IPCEF1: variants seen among roughly 807,000 people sequenced by gnomAD.
The protein encoded by IPCEF1 is interaction protein for cytohesin exchange factors 1.
Under a neutral mutation model 50.9 loss-of-function variants are expected in IPCEF1, and 31 were observed. The ratio of observed to expected loss-of-function variants is 0.61; its 90% CI spans 0.46 to 0.82. The LOEUF (loss-of-function observed/expected upper bound fraction) is 0.82, where lower values mean the gene tolerates loss of function less well. Ranked by LOEUF, IPCEF1 falls within the 40% of genes least tolerant of loss-of-function variation. The probability of loss-of-function intolerance (pLI) is 0.00; values close to 1 mark genes in which losing one functional copy is unlikely to be tolerated. For missense variants in IPCEF1, 458 were observed against 514.0 expected (o/e 0.89, Z 1.05); for synonymous variants, 181 against 192.0 (o/e 0.94, Z 0.47).
chr6:154,198,789 G>C (rs34007356), intron 10 of IPCEF1, among the ~76,000 whole-genome samples: 13,967 of 152,044 alleles, frequency 0.092, 975 homozygotes, highest in African/African-American at 0.2. Flanking sequence ...GGAGAGGAGA[G>C]AGCAGTCATC....
At chr6:154,233,466 T>C (rs1779877887) in intron 5 of IPCEF1, among the ~76,000 whole-genome samples, 1 of 152,192 alleles carries the variant, frequency 6.6e-6, no homozygotes, top group African/African-American at 2.4e-5. Context: ...CCTATGAATA[T>C]AACTAGATTT....
chr6:154,180,414 A>ATTTTTTTT (rs761333730), intron 10 of IPCEF1, among the ~76,000 whole-genome samples: 677 of 65,198 alleles, frequency 0.01, 4 homozygotes, highest in African/African-American at 0.02. Context: ...ATATATATAT[A>ATTTTTTTT]TTTTTTTTTT....
At chr6:154,169,178 T>A (rs1439304476) in intron 10 of IPCEF1, among the ~76,000 whole-genome samples, 1 of 151,906 alleles carries the variant, frequency 6.6e-6, no homozygotes, top group Non-Finnish European at 1.5e-5. Flanking sequence ...CTTGACAACA[T>A]GGTAAAACCC....
chr6:154,211,585 G>A (rs1777969099), intron 9 of IPCEF1, among the ~76,000 whole-genome samples: 1 of 152,036 alleles, frequency 6.6e-6, no homozygotes, highest in African/African-American at 2.4e-5. Flanking sequence ...CCTAGAATAG[G>A]AAACAATTTT....
intron 10 of IPCEF1, among the ~76,000 whole-genome samples, chr6:154,196,415 T>C (rs1776629663): frequency 6.6e-6 from 1 of 152,104 alleles, no homozygotes; most frequent in Non-Finnish European, 1.5e-5. Flanking sequence ...TTAACAATGT[T>C]TTATTTTTTT....
chr6:154,325,677 A>G (rs1783500975), intron 1 of IPCEF1, among the ~76,000 whole-genome samples: 1 of 152,214 alleles, frequency 6.6e-6, no homozygotes, highest in Non-Finnish European at 1.5e-5. Flanking sequence ...GGAGGAGAAT[A>G]ATAAAAATCT....
At chr6:154,183,317 C>T (rs761368317) in intron 10 of IPCEF1, among the ~76,000 whole-genome samples, 21 of 152,150 alleles carry the variant, frequency 1.4e-4, no homozygotes, top group African/African-American at 4.6e-4. Context: ...ATTCACTTAT[C>T]GCTATGACTA....
At chr6:154,341,402 TGAAGCCTACA>T (rs1253219838) in intron 1 of IPCEF1, among the ~76,000 whole-genome samples, 1 of 152,210 alleles carries the variant, frequency 6.6e-6, no homozygotes, top group Non-Finnish European at 1.5e-5. Context: ...CCTTGGGGCT[TGAAGCCTACA>T]GAAGGGATCA....
At chr6:154,320,446 C>T (rs1167606316) in intron 1 of IPCEF1, among the ~76,000 whole-genome samples, 1 of 152,128 alleles carries the variant, frequency 6.6e-6, no homozygotes, top group Admixed American at 6.6e-5. Context: ...TGAGGAAAAG[C>T]TTTGTTTTCA....
intron 1 of IPCEF1, among the ~76,000 whole-genome samples, chr6:154,305,445 T>G (rs1377245975): frequency 2.0e-5 from 3 of 152,198 alleles, no homozygotes; most frequent in Non-Finnish European, 4.4e-5. Flanking sequence ...GCTGTACCTG[T>G]CTATCCTACA....
intron 1 of IPCEF1, among the ~76,000 whole-genome samples, chr6:154,354,891 A>G (rs1017426217): frequency 1.3e-5 from 2 of 152,136 alleles, no homozygotes; most frequent in African/African-American, 4.8e-5. Context: ...TTCAACAAAT[A>G]TTTACTGAGA....
intron 5 of IPCEF1, among the ~76,000 whole-genome samples, chr6:154,226,453 A>C (rs1020809952): frequency 2.0e-5 from 3 of 151,946 alleles, no homozygotes; most frequent in Non-Finnish European, 4.4e-5. Flanking sequence ...GCCAGTTGCC[A>C]AAACAGGACA....
chr6:154,199,662 G>A lies in IPCEF1; in HGVS notation c.910+6C>T. The A allele has an allele frequency of 6.3e-7, 1 of 1,589,252 alleles. No individual in the cohort carries two copies. Among genetic ancestry groups the A allele is most frequent in the Non-Finnish European group, 8.6e-7 (1 of 1,167,690 alleles). ...CTAACGAAGAATAAATAATTTATTGGTTTACCTTTGTCCATGATCTTTGAT... is the reference window on the plus strand; with the variant it reads ...CTAACGAAGAATAAATAATTTATTGATTTACCTTTGTCCATGATCTTTGAT... On this transcript the variant is annotated splice_donor_region_variant and intron_variant, in intron 10 of 11. Coordinates refer to ENST00000367220, the MANE Select transcript of IPCEF1 (RefSeq NM_001130700.2).
intron 5 of IPCEF1, among the ~76,000 whole-genome samples, chr6:154,246,324 A>C (rs983487567): frequency 6.6e-6 from 1 of 152,198 alleles, no homozygotes. Flanking sequence ...AACAGAACTT[A>C]AAAGTCTCCT....
intron 1 of IPCEF1, among the ~76,000 whole-genome samples, chr6:154,329,077 C>G (rs1330116299): frequency 6.6e-6 from 1 of 152,140 alleles, no homozygotes; most frequent in Non-Finnish European, 1.5e-5. Context: ...AGTTCAGACT[C>G]TAATGTTTCC....
At chr6:154,254,413 A>C (rs1007604713) in intron 3 of IPCEF1, among the ~76,000 whole-genome samples, 1 of 152,200 alleles carries the variant, frequency 6.6e-6, no homozygotes, top group African/African-American at 2.4e-5. Context: ...GAAAGAGAGA[A>C]GCAGGAAGCA....
intron 3 of IPCEF1, among the ~76,000 whole-genome samples, chr6:154,255,009 A>G (rs1479246010): frequency 6.6e-6 from 1 of 152,190 alleles, no homozygotes; most frequent in Non-Finnish European, 1.5e-5. Flanking sequence ...TCCTGTTTGA[A>G]TGACTACTCT....
intron 5 of IPCEF1, among the ~76,000 whole-genome samples, chr6:154,235,701 C>A (rs1780076573): frequency 6.6e-6 from 1 of 152,060 alleles, no homozygotes. Context: ...TTAAAATACA[C>A]CACCACCACC....
In IPCEF1 at chr6:154,168,236, G is replaced by T. The variant is rs1157016632; in HGVS notation, c.911-123C>A. 3 of 662,706 alleles carry T rather than the reference G, an allele frequency of 4.5e-6. No individual in the cohort carries two copies. The highest frequency in any genetic ancestry group is 3.6e-5 in the African/African-American group (2 of 56,054). 41.1% of individuals were successfully genotyped at this position (662,706 alleles called of 1,614,324 possible). Reference sequence around the variant, plus strand: ...CACCCTCATCTCAGACTTCTCTCCGGAACTGAAAGACAATAAATGTTTGCT... The same window carrying T: ...CACCCTCATCTCAGACTTCTCTCCGTAACTGAAAGACAATAAATGTTTGCT... On this transcript the variant is annotated intron_variant, in intron 10 of 11. Coordinates refer to ENST00000367220, the MANE Select transcript of IPCEF1 (RefSeq NM_001130700.2). The surrounding 1 kb of genome is among the most constrained non-coding windows in gnomAD (Gnocchi z 4.1).
Sources: gnomAD v4.1 joint callset for allele counts (sites outside exome capture counted in the v4.1 genomes callset) on GRCh38, gnomAD v4.1.1 for gene constraint, Gnocchi (gnomAD v3.1) non-coding constraint, MANE v1.5 for transcripts, NCBI Gene and HGNC (gene_info 2026-07-23, HGNC 2026-07-21) for gene names.